SLC24A2: variants seen among roughly 807,000 people sequenced by gnomAD.
SLC24A2 encodes solute carrier family 24 member 2.
In SLC24A2, 36 loss-of-function variants were observed where a neutral mutation model predicts 62.0. That is an observed-to-expected ratio of 0.58 (90% CI 0.44 to 0.77). The LOEUF (loss-of-function observed/expected upper bound fraction) is 0.77. SLC24A2 is among the 30% of genes least tolerant of loss of function. The probability of loss-of-function intolerance (pLI) is 0.00; values close to 1 mark genes in which losing one functional copy is unlikely to be tolerated. For synonymous variants in SLC24A2, 358 were observed against 294.0 expected (o/e 1.22, Z -2.23); for missense variants, 846 against 817.9 (o/e 1.03, Z -0.42).
the SLC24A2 span, among the ~76,000 whole-genome samples, chr9:19,829,749 A>C: frequency 1.4e-5 from 2 of 143,738 alleles, no homozygotes; most frequent in Non-Finnish European, 3.0e-5. Flanking sequence ...ATATATACTT[A>C]AAGTTTTATA....
At chr9:19,552,096 C>T (rs764605948) in intron 7 of SLC24A2, among the ~76,000 whole-genome samples, 2 of 152,124 alleles carry the variant, frequency 1.3e-5, no homozygotes, top group African/African-American at 2.4e-5. Flanking sequence ...TAAATATACA[C>T]CTCACACTCC....
chr9:19,739,642 T>C (rs1294535720), intron 2 of SLC24A2, among the ~76,000 whole-genome samples: 3 of 152,158 alleles, frequency 2.0e-5, no homozygotes, highest in Admixed American at 2.0e-4. Context: ...ACCCCTATCT[T>C]ACGTCATAAA....
chr9:19,727,023 T>C (rs1375949492), intron 2 of SLC24A2, among the ~76,000 whole-genome samples: 1 of 152,166 alleles, frequency 6.6e-6, no homozygotes, highest in Non-Finnish European at 1.5e-5. Context: ...TTGTTCCCAT[T>C]TCCTTCAAGC....
intron 8 of SLC24A2, among the ~76,000 whole-genome samples, chr9:19,544,705 A>T (rs139607323): frequency 6.6e-6 from 1 of 152,268 alleles, no homozygotes; most frequent in East Asian, 1.9e-4. Context: ...GTTTGCCTGG[A>T]TATGAAATTC....
intron 2 of SLC24A2, among the ~76,000 whole-genome samples, chr9:19,747,646 A>G (rs1193885850): frequency 6.6e-6 from 1 of 152,198 alleles, no homozygotes; most frequent in East Asian, 1.9e-4. Flanking sequence ...TTACCTGGAA[A>G]TTAACTTTTA....
chr9:19,914,426 C>T, the SLC24A2 span, among the ~76,000 whole-genome samples: 1 of 152,130 alleles, frequency 6.6e-6, no homozygotes, highest in African/African-American at 2.4e-5. Context: ...CTCAATTGCT[C>T]TCTCCCACAA....
chr9:19,875,445 C>G, the SLC24A2 span, among the ~76,000 whole-genome samples: 1 of 152,144 alleles, frequency 6.6e-6, no homozygotes, highest in Non-Finnish European at 1.5e-5. Context: ...CCGATGAGGA[C>G]AGCAATGAGT....
At chr9:20,099,921 C>T in the SLC24A2 span, among the ~76,000 whole-genome samples, 51 of 152,314 alleles carry the variant, frequency 3.3e-4, no homozygotes, top group African/African-American at 1.2e-3. Flanking sequence ...TTAATAACCA[C>T]TCACCCATGA....
At position 19,514,351 on chromosome 9, in the gene SLC24A2, G is replaced by A. The variant is rs183103628; in HGVS notation, c.*1802C>T. The A allele has an allele frequency of 1.5e-4, 23 of 152,272 alleles. No homozygotes were observed. In the East Asian group the frequency reaches 3.1e-3, roughly 20 times the overall value. 9.4% of individuals were successfully genotyped at this position (152,272 alleles called of 1,614,324 possible). Reference sequence around the variant, plus strand: ...ATAGATTGGAGATAGGAACACATATGGTGAAATTTCCCATATGCCATATGT... The same window carrying A: ...ATAGATTGGAGATAGGAACACATATAGTGAAATTTCCCATATGCCATATGT... On this transcript the variant is annotated 3_prime_UTR_variant, in exon 11 of 11. Coordinates refer to ENST00000341998, the MANE Select transcript of SLC24A2 (RefSeq NM_020344.4).
chr9:19,866,402 A>G, the SLC24A2 span, among the ~76,000 whole-genome samples: 2 of 152,190 alleles, frequency 1.3e-5, no homozygotes, highest in African/African-American at 4.8e-5. Flanking sequence ...TTGCACTCCC[A>G]TGTTTGTTGT....
the SLC24A2 span, among the ~76,000 whole-genome samples, chr9:19,835,670 G>A: frequency 2.6e-5 from 4 of 152,120 alleles, no homozygotes; most frequent in African/African-American, 9.7e-5. Context: ...AGATCAACGA[G>A]ACAGAAAGTT....
the SLC24A2 span, among the ~76,000 whole-genome samples, chr9:20,040,721 A>G: frequency 1.3e-5 from 2 of 152,208 alleles, no homozygotes; most frequent in Non-Finnish European, 2.9e-5. Flanking sequence ...ATCAGTGAAG[A>G]TGCATCATGG....
chr9:19,858,940 C>T, the SLC24A2 span, among the ~76,000 whole-genome samples: 13 of 152,260 alleles, frequency 8.5e-5, no homozygotes, highest in African/African-American at 3.1e-4. Flanking sequence ...ATCAGTGTGG[C>T]AATTCCTTAA....
chr9:19,711,630 C>T (rs893946233), intron 2 of SLC24A2, among the ~76,000 whole-genome samples: 2 of 152,188 alleles, frequency 1.3e-5, no homozygotes, highest in Non-Finnish European at 2.9e-5. Flanking sequence ...AAGAACACAT[C>T]CAACTAACAA....
chr9:20,280,514 T>C, the SLC24A2 span, among the ~76,000 whole-genome samples: 379 of 152,238 alleles, frequency 2.5e-3, 2 homozygotes, highest in African/African-American at 8.5e-3. Flanking sequence ...CCCTGAATGA[T>C]TGTGCAAGAA....
At chr9:19,898,404 G>A in the SLC24A2 span, among the ~76,000 whole-genome samples, 1 of 152,214 alleles carries the variant, frequency 6.6e-6, no homozygotes, top group South Asian at 2.1e-4. Context: ...TTCTTCAGCA[G>A]TGCAAACTGT....
At chr9:20,205,999 G>A in the SLC24A2 span, among the ~76,000 whole-genome samples, 6 of 152,116 alleles carry the variant, frequency 3.9e-5, no homozygotes, top group East Asian at 1.9e-4. Flanking sequence ...TGGTTCACTC[G>A]GTGAACCAAT....
intron 2 of SLC24A2, among the ~76,000 whole-genome samples, chr9:19,783,741 CT>C (rs1823081536): frequency 1.3e-5 from 2 of 152,120 alleles, no homozygotes; most frequent in African/African-American, 2.4e-5. Flanking sequence ...ATCACACATC[CT>C]TATGCACGTT....
chr9:19,916,986 T>TG, the SLC24A2 span, among the ~76,000 whole-genome samples: 1 of 146,552 alleles, frequency 6.8e-6, no homozygotes, highest in Non-Finnish European at 1.5e-5. Context: ...TACCTGTTTT[T>TG]TTTTTTTTTT....
Sources: gnomAD v4.1 joint callset for allele counts (sites outside exome capture counted in the v4.1 genomes callset) on GRCh38, gnomAD v4.1.1 for gene constraint, MANE v1.5 for transcripts, NCBI Gene and HGNC (gene_info 2026-07-23, HGNC 2026-07-21) for gene names.